THSD7A: variants seen among roughly 807,000 people sequenced by gnomAD.
THSD7A encodes the protein thrombospondin type 1 domain containing 7A.
A neutral mutation model predicts 231.3 loss-of-function variants in THSD7A; 96 were observed. That is an observed-to-expected ratio of 0.41 (90% CI 0.35 to 0.49). THSD7A has a LOEUF of 0.49. THSD7A is among the 20% of genes least tolerant of loss of function. The probability of loss-of-function intolerance (pLI) is 0.05; values close to 1 mark genes in which losing one functional copy is unlikely to be tolerated. For missense variants in THSD7A, 2,290 were observed against 2,070.2 expected (o/e 1.11, Z -2.06); for synonymous variants, 940 against 743.3 (o/e 1.26, Z -4.30).
chr7:11,663,175 C>T (rs1016766185), intron 1 of THSD7A, among the ~76,000 whole-genome samples: 1 of 150,532 alleles, frequency 6.6e-6, no homozygotes, highest in African/African-American at 2.4e-5. Context: ...ATATTAGAAA[C>T]AAAAAAGGAG....
intron 6 of THSD7A, among the ~76,000 whole-genome samples, chr7:11,537,093 G>T (rs1788945194): frequency 6.6e-6 from 1 of 152,058 alleles, no homozygotes; most frequent in African/African-American, 2.4e-5. Flanking sequence ...GAAATGATAT[G>T]CCCCCATATT....
At chr7:11,587,011 C>T (rs1359807102) in intron 4 of THSD7A, among the ~76,000 whole-genome samples, 1 of 152,132 alleles carries the variant, frequency 6.6e-6, no homozygotes, top group Non-Finnish European at 1.5e-5. Flanking sequence ...TCACTGTAAA[C>T]TTAATGTTGT....
intron 4 of THSD7A, among the ~76,000 whole-genome samples, chr7:11,571,438 T>C (rs912782410): frequency 6.6e-6 from 1 of 152,252 alleles, no homozygotes; most frequent in Non-Finnish European, 1.5e-5. Flanking sequence ...CCTTATATTT[T>C]AGATCAGATT....
Position 11,634,506 on chromosome 7 carries a change from A to G in THSD7A, c.1022+1624T>C, listed in dbSNP as rs1248865151. On this transcript the variant is annotated intron_variant, in intron 2 of 27. Transcript: ENST00000423059. This position sits in a 1 kb window ranked among gnomAD's most constrained non-coding sequence, Gnocchi z 4.1. ...TAACTGTAATATACTTCAGGAAAAG[A>G]GATAAGAAAATCACCAGAATAAGGA... 6.6e-6 allele frequency among the ~76,000 whole-genome samples: 1 copy of G among 152,160 alleles called. No individual in the cohort carries two copies. The highest frequency in any genetic ancestry group is 2.4e-5 in the African/African-American group (1 of 41,452).
intron 1 of THSD7A, among the ~76,000 whole-genome samples, chr7:11,744,173 T>C (rs2355077): frequency 0.24 from 36,876 of 151,802 alleles, 6,926 homozygotes; most frequent in African/African-American, 0.53. Flanking sequence ...GCAAAACTGT[T>C]CTGCTAATGA....
intron 1 of THSD7A, among the ~76,000 whole-genome samples, chr7:11,717,399 G>A (rs1781177147): frequency 6.6e-6 from 1 of 151,560 alleles, no homozygotes; most frequent in Admixed American, 6.6e-5. Flanking sequence ...TCTACATGGT[G>A]GGACTTCCAT....
chr7:11,476,635 G>A (rs1786196574), intron 7 of THSD7A, among the ~76,000 whole-genome samples: 1 of 151,888 alleles, frequency 6.6e-6, no homozygotes. Context: ...TGGGCAGCAC[G>A]GTGAAACCTT....
chr7:11,418,994 A>T (rs1784051865), intron 16 of THSD7A, among the ~76,000 whole-genome samples: 1 of 152,188 alleles, frequency 6.6e-6, no homozygotes, highest in African/African-American at 2.4e-5. Flanking sequence ...AAAAAATGTT[A>T]TGGTGACAGC....
chr7:11,720,832 G>A (rs1781325436), intron 1 of THSD7A, among the ~76,000 whole-genome samples: 1 of 151,728 alleles, frequency 6.6e-6, no homozygotes, highest in South Asian at 2.1e-4. Flanking sequence ...TTGTGTTTCA[G>A]ATTTTCATAG....
At chr7:11,489,093 A>G (rs576593256) in intron 6 of THSD7A, among the ~76,000 whole-genome samples, 1 of 152,212 alleles carries the variant, frequency 6.6e-6, no homozygotes, top group South Asian at 2.1e-4. Context: ...AGCCTATGAG[A>G]ACCTTCTGGC....
At chr7:11,391,005 G>C (rs1248461925) in intron 23 of THSD7A, among the ~76,000 whole-genome samples, 1 of 152,170 alleles carries the variant, frequency 6.6e-6, no homozygotes, top group African/African-American at 2.4e-5. Context: ...ATGCCAGCCA[G>C]AGCTCTCCTT....
At chr7:11,821,686 C>G (rs1784880699) in intron 1 of THSD7A, among the ~76,000 whole-genome samples, 1 of 152,130 alleles carries the variant, frequency 6.6e-6, no homozygotes, top group African/African-American at 2.4e-5. Context: ...TGTGGACCAT[C>G]TCTCTCTGAC....
chr7:11,796,650 G>T (rs1583298494), intron 1 of THSD7A, among the ~76,000 whole-genome samples: 1 of 150,132 alleles, frequency 6.7e-6, no homozygotes, highest in Non-Finnish European at 1.5e-5. Context: ...TATTACTATT[G>T]TTATTTTATA....
chr7:11,541,594 G>A lies in THSD7A; in HGVS notation c.1647C>T (p.Pro549=). 1 of 1,613,912 alleles carries A rather than the reference G, an allele frequency of 6.2e-7. No individual in the cohort carries two copies. The highest frequency in any genetic ancestry group is 8.5e-7 in the Non-Finnish European group (1 of 1,179,874). Residue 549 remains proline (P), a synonymous_variant, in exon 6 of 28, where the codon CCC becomes CCT. Transcript: ENST00000423059. ...KLRKRRITNE[P]TGGSGVTGNC... is the part of the protein sequence containing the mutation. ...TTCCGGTTACCCCAGAGCCTCCAGT[G>A]GGCTCATTGGTAATGCGCCGCTTCC...
At chr7:11,772,658 A>G (rs564309135) in intron 1 of THSD7A, among the ~76,000 whole-genome samples, 1 of 152,344 alleles carries the variant, frequency 6.6e-6, no homozygotes, top group South Asian at 2.1e-4. Context: ...TGGGAGCTAA[A>G]TGTTGAGTAT....
At chr7:11,466,297 G>A (rs1785701635) in intron 9 of THSD7A, among the ~76,000 whole-genome samples, 1 of 152,128 alleles carries the variant, frequency 6.6e-6, no homozygotes, top group Non-Finnish European at 1.5e-5. Context: ...TTTAAATGGT[G>A]TGTGTAAATT....
At chr7:11,438,814 C>T (rs947406751) in intron 13 of THSD7A, among the ~76,000 whole-genome samples, 27 of 151,896 alleles carry the variant, frequency 1.8e-4, no homozygotes, top group African/African-American at 3.6e-4. Flanking sequence ...AAAGTGTGCC[C>T]GGCACTTAAA....
At chr7:11,700,450 G>A (rs1340205880) in intron 1 of THSD7A, among the ~76,000 whole-genome samples, 1 of 150,948 alleles carries the variant, frequency 6.6e-6, no homozygotes, top group South Asian at 2.1e-4. Context: ...AGATATTCAA[G>A]TCTAATGCAA....
chr7:11,604,402 T>G (rs1004069443), intron 2 of THSD7A, among the ~76,000 whole-genome samples: 1 of 152,114 alleles, frequency 6.6e-6, no homozygotes, highest in African/African-American at 2.4e-5. Flanking sequence ...AACTGCTTTG[T>G]AAAGCAGAGG....
Sources: gnomAD v4.1 joint callset for allele counts (sites outside exome capture counted in the v4.1 genomes callset) on GRCh38, gnomAD v4.1.1 for gene constraint, Gnocchi (gnomAD v3.1) non-coding constraint, MANE v1.5 for transcripts, NCBI Gene and HGNC (gene_info 2026-07-23, HGNC 2026-07-21) for gene names.